Variants in PRPF6 observed in about 807,000 individuals in gnomAD.
PRPF6 encodes the protein pre-mRNA-processing factor 6.
In PRPF6, 42 loss-of-function variants were observed where a neutral mutation model predicts 118.3. The observed-to-expected ratio is 0.35, with a 90% confidence interval of 0.28 to 0.46. PRPF6 has a LOEUF of 0.46. PRPF6 is among the 20% of genes least tolerant of loss of function. The pLI, the probability that PRPF6 is intolerant of heterozygous loss-of-function variation, is 1.00. For missense variants in PRPF6, 662 were observed against 1,255.7 expected, an observed-to-expected ratio of 0.53 and a Z score of 7.15; for synonymous variants, 481 against 485.1, an observed-to-expected ratio of 0.99 and a Z score of 0.11.
At chr20:64,016,484 AAAGTTGTTTGT>A (rs2059239073) in intron 11 of PRPF6, among the ~76,000 whole-genome samples, 1 of 152,132 alleles carries the variant, frequency 6.6e-6, no homozygotes, top group Non-Finnish European at 1.5e-5. Context: ...CACATGTTTG[AAAGTTGTTTGT>A]ATTTTTATTT....
At chr20:63,985,162 G>C (rs2059087812) in intron 3 of PRPF6, 137 bp downstream of exon 3, 2 of 682,628 alleles carry the variant, frequency 2.9e-6, no homozygotes, top group East Asian at 5.8e-5. Flanking sequence ...CCAGGGGTTT[G>C]AGACCAGTGT....
chr20:63,993,385 G>A (rs1386633866), intron 3 of PRPF6, 22 bp from the exon 4 acceptor site: 1 of 1,572,744 alleles, frequency 6.4e-7, no homozygotes, highest in Non-Finnish European at 8.7e-7. Context: ...TGTTTCTGAT[G>A]TGTGCATGTT....
intron 11 of PRPF6, among the ~76,000 whole-genome samples, chr20:64,015,766 CAT>C (rs1352911411): frequency 3.3e-5 from 5 of 152,328 alleles, no homozygotes; most frequent in Middle Eastern, 3.4e-3. Flanking sequence ...CCAGTCAGCA[CAT>C]GTTTCAATGT....
intron 9 of PRPF6, among the ~76,000 whole-genome samples, chr20:64,003,635 G>A (rs1420351610): frequency 2.6e-5 from 4 of 151,846 alleles, no homozygotes; most frequent in African/African-American, 4.8e-5. Flanking sequence ...TCGCTCTGTC[G>A]CCCAGCCTGG....
chr20:63,985,944 C>T (rs1411191793), intron 3 of PRPF6, among the ~76,000 whole-genome samples: 1 of 152,152 alleles, frequency 6.6e-6, no homozygotes, highest in Non-Finnish European at 1.5e-5. Flanking sequence ...GACAAAGACA[C>T]ACTGAAAAAA....
chr20:63,993,840 C>T (rs193020220), intron 4 of PRPF6, among the ~76,000 whole-genome samples: 2 of 151,710 alleles, frequency 1.3e-5, no homozygotes, highest in East Asian at 3.9e-4. Flanking sequence ...ACCTTCACCT[C>T]CTAGGTTCAA....
At chr20:63,994,775 A>C in intron 4 of PRPF6, 141 bp from the exon 5 acceptor site, 1 of 1,117,668 alleles carries the variant, frequency 8.9e-7, no homozygotes. Context: ...TCTCAAAACA[A>C]AAGTAAAAAA....
At chr20:63,986,992 T>TA (rs1239635673) in intron 3 of PRPF6, among the ~76,000 whole-genome samples, 1 of 149,348 alleles carries the variant, frequency 6.7e-6, no homozygotes, top group Non-Finnish European at 1.5e-5. Flanking sequence ...AAGAGGGTAA[T>TA]ACCTTTTCTT....
Position 64,029,325 on chromosome 20 carries a change from C to G in PRPF6, c.2432-52C>G. 3 of 1,554,286 alleles carry G rather than the reference C, an allele frequency of 1.9e-6. No individual in the cohort carries two copies. Among genetic ancestry groups the G allele is most frequent in the Non-Finnish European group, 2.7e-6 (3 of 1,126,834 alleles). On this transcript the variant is annotated intron_variant, in intron 18 of 20. Transcript: ENST00000266079. This position sits in a 1 kb window ranked among gnomAD's most constrained non-coding sequence, Gnocchi z 4.8. ...TAGAATCTGTAGGCTGGGCACCTTT[C>G]CGGAACCAGAGGCTGGAGTGCAAAT...
At chr20:63,993,198 A>G (rs547895086) in intron 3 of PRPF6, among the ~76,000 whole-genome samples, 4 of 150,520 alleles carry the variant, frequency 2.7e-5, no homozygotes, top group African/African-American at 9.7e-5. Flanking sequence ...CCTGGGTGAC[A>G]GAGCAAGACT....
At chr20:64,013,070 T>C (rs2059221928) in intron 11 of PRPF6, among the ~76,000 whole-genome samples, 1 of 151,878 alleles carries the variant, frequency 6.6e-6, no homozygotes, top group Non-Finnish European at 1.5e-5. Context: ...GTTCAAGCAG[T>C]TCTCCTACGT....
At chr20:64,002,652 T>C (rs1454561254) in intron 9 of PRPF6, among the ~76,000 whole-genome samples, 7 of 148,752 alleles carry the variant, frequency 4.7e-5, no homozygotes, top group Non-Finnish European at 8.9e-5. Context: ...TTTCTTTTTT[T>C]TTTTTTTTTG....
chr20:63,990,996 G>A (rs1172656710), intron 3 of PRPF6, among the ~76,000 whole-genome samples: 1 of 151,846 alleles, frequency 6.6e-6, no homozygotes, highest in Non-Finnish European at 1.5e-5. Flanking sequence ...GGCTGGTCTT[G>A]AACTCCTGGC....
At position 64,028,845 on chromosome 20, in the gene PRPF6, T is replaced by C. The variant is rs1467979583; in HGVS notation, c.2431+276T>C. 6.6e-6 allele frequency among the ~76,000 whole-genome samples: 1 copy of C among 152,242 alleles called. No homozygotes were observed. The highest frequency in any genetic ancestry group is 6.5e-5 in the Admixed American group (1 of 15,284). On this transcript the variant is annotated intron_variant, in intron 18 of 20. Coordinates refer to ENST00000266079, the MANE Select transcript of PRPF6 (RefSeq NM_012469.4). The surrounding 1 kb of genome is among the most constrained non-coding windows in gnomAD (Gnocchi z 6.5). Reference sequence around the variant, plus strand: ...ATTTGATTTCATTTCTGAAGTGTTATCATTTCTTTTTCTTTTAAAATTTAA... The same window carrying C: ...ATTTGATTTCATTTCTGAAGTGTTACCATTTCTTTTTCTTTTAAAATTTAA...
chr20:64,022,987 T>C, intron 13 of PRPF6, 109 bp downstream of exon 13: 2 of 1,551,022 alleles, frequency 1.3e-6, no homozygotes, highest in South Asian at 2.3e-5. Flanking sequence ...TTGTGCCCAT[T>C]TGAGGTCTGG....
At chr20:63,987,623 TA>T (rs2059100530) in intron 3 of PRPF6, among the ~76,000 whole-genome samples, 1 of 152,176 alleles carries the variant, frequency 6.6e-6, no homozygotes, top group Non-Finnish European at 1.5e-5. Flanking sequence ...ACCAGAGAAA[TA>T]AATAAAAGGG....
At chr20:64,004,823 T>C (rs1398374047) in intron 9 of PRPF6, among the ~76,000 whole-genome samples, 2 of 152,224 alleles carry the variant, frequency 1.3e-5, no homozygotes, top group Non-Finnish European at 2.9e-5. Flanking sequence ...ACTCACATGC[T>C]GTGTACTCCG....
chr20:63,995,533 TTTG>T, intron 6 of PRPF6, 51 bp downstream of exon 6: 1 of 1,608,620 alleles, frequency 6.2e-7, no homozygotes, highest in African/African-American at 1.3e-5. Context: ...ACAGTTTAAT[TTTG>T]TTTTGTTTTC....
At position 64,027,506 on chromosome 20, in the gene PRPF6, G is replaced by A. The variant is rs2059296171; in HGVS notation, c.2206-97G>A. The A allele has an allele frequency of 6.5e-7, 1 of 1,550,104 alleles. No homozygotes were observed. Among genetic ancestry groups the A allele is most frequent in the African/African-American group, 1.4e-5 (1 of 73,554 alleles). On this transcript the variant is annotated intron_variant, in intron 16 of 20. Coordinates refer to ENST00000266079, the MANE Select transcript of PRPF6 (RefSeq NM_012469.4). The surrounding 1 kb of genome is among the most constrained non-coding windows in gnomAD (Gnocchi z 6.5). Reference sequence around the variant, plus strand: ...TTTCCATGGACATGGCAGCCCTGAGGGACTCGGTCACCCACTGCAGATGAG... The same window carrying A: ...TTTCCATGGACATGGCAGCCCTGAGAGACTCGGTCACCCACTGCAGATGAG...
Sources: allele counts gnomAD v4.1 joint callset (sites outside exome capture counted in the v4.1 genomes callset), GRCh38; gene constraint gnomAD v4.1.1; non-coding constraint Gnocchi (gnomAD v3.1); transcripts MANE v1.5; gene names NCBI Gene and HGNC (gene_info 2026-07-23, HGNC 2026-07-21).